ERCC6L2: variants seen among roughly 807,000 people sequenced by gnomAD.
The protein encoded by ERCC6L2 is ERCC excision repair 6 like 2, also known as DNA excision repair protein ERCC-6-like 2.
Under a neutral mutation model 132.0 loss-of-function variants are expected in ERCC6L2, and 77 were observed. The observed-to-expected ratio is 0.58, with a 90% CI of 0.49 to 0.71. ERCC6L2 has a LOEUF of 0.71. ERCC6L2 is among the 30% of genes least tolerant of loss of function. The pLI, the probability that ERCC6L2 is intolerant of heterozygous loss-of-function variation, is 0.00. For synonymous variants in ERCC6L2, 583 were observed against 632.4 expected (o/e 0.92, Z 1.17); for missense variants, 1,542 against 1,837.6 (o/e 0.84, Z 2.94).
intron 11 of ERCC6L2, among the ~76,000 whole-genome samples, chr9:95,936,700 T>C (rs1830570028): frequency 6.6e-6 from 1 of 152,206 alleles, no homozygotes. Flanking sequence ...ATACTGACGT[T>C]GATACAGTGA....
At chr9:95,918,447 A>G in intron 6 of ERCC6L2, 1 of 457,180 alleles carries the variant, frequency 2.2e-6, no homozygotes. Flanking sequence ...CATAGCTACC[A>G]TTTATTCAGG....
At chr9:95,907,901 G>A (rs1432641492) in intron 4 of ERCC6L2, among the ~76,000 whole-genome samples, 8 of 97,854 alleles carry the variant, frequency 8.2e-5, no homozygotes, top group African/African-American at 2.8e-4. Context: ...TGAGGGAGAA[G>A]TGGCCAAGAG....
chr9:95,929,023 C>G (rs1830222982), intron 11 of ERCC6L2, 159 bp downstream of exon 11: 1 of 487,674 alleles, frequency 2.1e-6, no homozygotes, highest in Non-Finnish European at 3.5e-6. Context: ...TAAGTTTTAG[C>G]TAAGCTTTTC....
At chr9:96,039,261 T>C (rs1834551904) in intron 20 of ERCC6L2, among the ~76,000 whole-genome samples, 1 of 151,946 alleles carries the variant, frequency 6.6e-6, no homozygotes, top group South Asian at 2.1e-4. Flanking sequence ...CAAGTGAAGG[T>C]TGGGCAGGCG....
chr9:95,895,788 G>A (rs1002864136), intron 2 of ERCC6L2, among the ~76,000 whole-genome samples: 3 of 148,932 alleles, frequency 2.0e-5, no homozygotes, highest in Admixed American at 6.7e-5. Flanking sequence ...AGTGTAGTGC[G>A]CGATCTCGGC....
At chr9:95,977,156 C>T (rs977440985) in intron 16 of ERCC6L2, among the ~76,000 whole-genome samples, 22 of 152,216 alleles carry the variant, frequency 1.4e-4, no homozygotes, top group African/African-American at 4.3e-4. Flanking sequence ...AACGTGTCAT[C>T]AAAATTAAGA....
chr9:95,979,904 C>G (rs745965623), intron 17 of ERCC6L2, among the ~76,000 whole-genome samples: 1 of 151,918 alleles, frequency 6.6e-6, no homozygotes, highest in Admixed American at 6.6e-5. Context: ...TTAAACTGTG[C>G]CCTTTTTTAA....
At chr9:96,029,388 T>G (rs1026166040) in intron 19 of ERCC6L2, among the ~76,000 whole-genome samples, 24 of 145,772 alleles carry the variant, frequency 1.6e-4, no homozygotes, top group African/African-American at 6.1e-4. Context: ...AGGATACAGG[T>G]GAAAAGGAGG....
chr9:95,935,702 G>C (rs551426051), intron 11 of ERCC6L2, among the ~76,000 whole-genome samples: 1 of 152,248 alleles, frequency 6.6e-6, no homozygotes, highest in Non-Finnish European at 1.5e-5. Context: ...GTCACTTGTG[G>C]TATAGTTATC....
intron 2 of ERCC6L2, among the ~76,000 whole-genome samples, chr9:95,885,185 A>C (rs1396315765): frequency 6.6e-6 from 1 of 152,236 alleles, no homozygotes; most frequent in Non-Finnish European, 1.5e-5. Flanking sequence ...AAGAGTTAAA[A>C]GAATGGTACA....
chr9:96,020,981 G>A, downstream of ERCC6L2: 2 of 456,546 alleles, frequency 4.4e-6, no homozygotes, highest in South Asian at 1.5e-5. Flanking sequence ...CGGCGCACCG[G>A]GCCCCGTCGG....
intron 12 of ERCC6L2, among the ~76,000 whole-genome samples, chr9:95,953,118 T>C (rs1831419562): frequency 6.6e-6 from 1 of 152,184 alleles, no homozygotes; most frequent in Non-Finnish European, 1.5e-5. Context: ...GAGTTTCAGT[T>C]TGGAAAGTGC....
At position 95,901,109 on chromosome 9, in the gene ERCC6L2, G is replaced by A. The variant is rs570099746; in HGVS notation, c.594+3138G>A. 2.0e-5 allele frequency among the ~76,000 whole-genome samples: 3 copies of A among 151,720 alleles called. No individual in the cohort carries two copies. The South Asian group carries it at 6.2e-4, about 32-fold the overall frequency. On this transcript the variant is annotated intron_variant, in intron 3 of 18. Coordinates refer to ENST00000653738, the MANE Select transcript of ERCC6L2 (RefSeq NM_020207.7). ...AAAAAAATTCTTCAGTAAATTTTAT[G>A]TGTTTGTATATTGCTCTCACACTTG...
At chr9:96,020,806 C>A (rs1407998666), downstream of ERCC6L2, 2 of 456,764 alleles carry the variant, frequency 4.4e-6, no homozygotes, top group Admixed American at 4.7e-5. Flanking sequence ...AGGCAGAACA[C>A]CCCTTCTCCA....
chr9:95,978,572 C>T (rs1321286247), intron 17 of ERCC6L2, among the ~76,000 whole-genome samples: 1 of 152,106 alleles, frequency 6.6e-6, no homozygotes, highest in African/African-American at 2.4e-5. Context: ...TAGGTTGCTC[C>T]ACAATTTTTC....
At chr9:95,971,739 C>T (rs1347980224) in intron 15 of ERCC6L2, 194 bp from the exon 16 acceptor site, 1 of 218,760 alleles carries the variant, frequency 4.6e-6, no homozygotes, top group Non-Finnish European at 9.0e-6. Flanking sequence ...CAACAATATT[C>T]AACATGGAAA....
At chr9:95,926,548 A>G (rs1024727257) in intron 9 of ERCC6L2, among the ~76,000 whole-genome samples, 82 of 152,296 alleles carry the variant, frequency 5.4e-4, no homozygotes, top group Middle Eastern at 3.4e-3. Flanking sequence ...ATACTGTATA[A>G]TTCCAACTAT....
At chr9:95,921,971 G>A (rs1829887807) in intron 7 of ERCC6L2, among the ~76,000 whole-genome samples, 1 of 152,024 alleles carries the variant, frequency 6.6e-6, no homozygotes, top group African/African-American at 2.4e-5. Flanking sequence ...AATGAGAAGG[G>A]GTCTGCATAG....
chr9:96,002,081 G>A (rs1045472257), intron 17 of ERCC6L2, among the ~76,000 whole-genome samples: 5 of 152,208 alleles, frequency 3.3e-5, no homozygotes, highest in African/African-American at 4.8e-5. Context: ...ACACAGCCCC[G>A]GTTCCCGCGC....
Sources: allele counts gnomAD v4.1 joint callset (sites outside exome capture counted in the v4.1 genomes callset), GRCh38; gene constraint gnomAD v4.1.1; transcripts MANE v1.5; gene names NCBI Gene and HGNC (gene_info 2026-07-23, HGNC 2026-07-21).